The following BRMS1L variants were observed in gnomAD, a reference collection of about 807,000 sequenced individuals.
BRMS1L encodes the protein breast cancer metastasis-suppressor 1-like protein.
Under a neutral mutation model 50.3 loss-of-function variants are expected in BRMS1L, and 23 were observed. The ratio of observed to expected loss-of-function variants is 0.46; its 90% CI spans 0.33 to 0.65. The LOEUF (loss-of-function observed/expected upper bound fraction) is 0.65, where lower values mean the gene tolerates loss of function less well. Ranked by LOEUF, BRMS1L falls within the 30% of genes least tolerant of loss-of-function variation. BRMS1L has a pLI of 0.02. For missense variants in BRMS1L, 286 were observed against 386.1 expected (o/e 0.74, Z 2.17); for synonymous variants, 114 against 126.9 (o/e 0.90, Z 0.69).
At chr14:35,838,070 G>A (rs1283958165) in intron 4 of BRMS1L, among the ~76,000 whole-genome samples, 3 of 151,858 alleles carry the variant, frequency 2.0e-5, no homozygotes, top group African/African-American at 4.8e-5. Context: ...TCCCCTCCCC[G>A]TGTCCATGTG....
chr14:35,833,133 T>C (rs1159616114), intron 3 of BRMS1L, 28 bp downstream of exon 3: 1 of 1,593,348 alleles, frequency 6.3e-7, no homozygotes, highest in Non-Finnish European at 8.6e-7. Context: ...CTTTTCCATA[T>C]ATAGAATGTA....
chr14:35,870,337 C>A, intron 9 of BRMS1L, 23 bp from the exon 10 acceptor site: 1 of 1,360,244 alleles, frequency 7.4e-7, no homozygotes, highest in Non-Finnish European at 1.0e-6. Flanking sequence ...TTCATTCATT[C>A]ATTCTTTTTT....
At chr14:35,838,890 CA>C (rs1419945869) in intron 4 of BRMS1L, among the ~76,000 whole-genome samples, 3 of 150,410 alleles carry the variant, frequency 2.0e-5, no homozygotes, top group African/African-American at 7.5e-5. Flanking sequence ...TCCCATTTGT[CA>C]ATTTTGGCTT....
At chr14:35,850,595 T>A (rs1042048140) in intron 4 of BRMS1L, among the ~76,000 whole-genome samples, 5 of 152,228 alleles carry the variant, frequency 3.3e-5, no homozygotes, top group African/African-American at 1.2e-4. Flanking sequence ...GTTGACGTGC[T>A]TTTTGTGTCA....
At chr14:35,861,150 A>G (rs921114712) in intron 4 of BRMS1L, among the ~76,000 whole-genome samples, 1 of 152,214 alleles carries the variant, frequency 6.6e-6, no homozygotes, top group African/African-American at 2.4e-5. Context: ...ATGGCAGTTT[A>G]AAGTATACTT....
rs761870132 is a variant in BRMS1L at position 35,831,447 on chromosome 14, A to C, written c.180A>C (p.Glu60Asp). ...AAGACTGTGAAAGAAGAAGAATGGA[A>C]TGTTTGGATGAAATGTCCAATCTTG... ...DDEDCERRRMECLDEMSNLEK... is the reference protein window; with the variant it reads ...DDEDCERRRMDCLDEMSNLEK... The change falls in exon 2 of 10, where the codon GAA (glutamate) becomes GAC (aspartate). Residue 60 changes from glutamate to aspartate, a missense_variant. Physicochemically the swap from Glu to Asp is conservative, Grantham distance 45. Around this residue, in one of 5 missense-constraint regions of BRMS1L, gnomAD observed 4 missense variants for 19.4 expected, o/e 0.21. Coordinates refer to ENST00000216807, the MANE Select transcript of BRMS1L (RefSeq NM_032352.4). 6.2e-7 allele frequency: 1 copy of C among 1,613,936 alleles called. No homozygotes were observed. Among genetic ancestry groups the C allele is most frequent in the South Asian group, 1.1e-5 (1 of 91,068 alleles).
intron 5 of BRMS1L, 26 bp downstream of exon 5, chr14:35,862,712 G>A (rs372271233): frequency 3.6e-5 from 56 of 1,541,966 alleles, no homozygotes; most frequent in Non-Finnish European, 4.7e-5. Flanking sequence ...TGATTGTGAT[G>A]TTTGAGTGGC....
rs139193150 is a variant in BRMS1L at position 35,863,723 on chromosome 14, T to C, written c.539-147T>C. On this transcript the variant is annotated intron_variant, in intron 5 of 9. Coordinates refer to ENST00000216807, the MANE Select transcript of BRMS1L (RefSeq NM_032352.4). Reference sequence around the variant, plus strand: ...TAAACACGTAGTGCTCATGAAATTATGTACAGCTTAATCTATATATACCCA... The same window carrying C: ...TAAACACGTAGTGCTCATGAAATTACGTACAGCTTAATCTATATATACCCA... 424 of 649,616 alleles carry C rather than the reference T, an allele frequency of 6.5e-4. 5 individuals are homozygous for C. The African/African-American group carries it at 7.2e-3, about 11-fold the overall frequency. The allele number at this position is 649,616 out of a possible 1,614,324, so 40.2% of individuals were successfully genotyped here.
chr14:35,858,224 T>A (rs1958075), intron 4 of BRMS1L, among the ~76,000 whole-genome samples: 1 of 152,040 alleles, frequency 6.6e-6, no homozygotes, highest in African/African-American at 2.4e-5. Flanking sequence ...GCGATCAAAC[T>A]TATCAGATAA....
At chr14:35,857,831 ATTGT>A (rs1337622475) in intron 4 of BRMS1L, among the ~76,000 whole-genome samples, 1 of 150,056 alleles carries the variant, frequency 6.7e-6, no homozygotes, top group Non-Finnish European at 1.5e-5. Context: ...TGCTTCATTT[ATTGT>A]TTGTTAGTTT....
At chr14:35,844,953 T>A (rs534395778) in intron 4 of BRMS1L, among the ~76,000 whole-genome samples, 1 of 152,098 alleles carries the variant, frequency 6.6e-6, no homozygotes, top group East Asian at 1.9e-4. Context: ...TGATTATAGC[T>A]CACTGCAGCC....
At chr14:35,864,840 C>A in intron 6 of BRMS1L, 95 bp from the exon 7 acceptor site, 1 of 895,562 alleles carries the variant, frequency 1.1e-6, no homozygotes, top group Non-Finnish European at 1.8e-6. Flanking sequence ...GCATTATGCT[C>A]ATAAATCATC....
intron 9 of BRMS1L, among the ~76,000 whole-genome samples, chr14:35,869,410 T>C (rs1363087232): frequency 6.6e-6 from 1 of 151,652 alleles, no homozygotes; most frequent in Non-Finnish European, 1.5e-5. Context: ...GTAAAAAAAT[T>C]ATCCTTAGTC....
intron 4 of BRMS1L, among the ~76,000 whole-genome samples, chr14:35,850,450 C>A (rs1394875135): frequency 6.6e-6 from 1 of 152,038 alleles, no homozygotes; most frequent in African/African-American, 2.4e-5. Flanking sequence ...CCTGCCTCAG[C>A]CTCCCAAACT....
At chr14:35,839,251 C>T (rs2078031609) in intron 4 of BRMS1L, among the ~76,000 whole-genome samples, 2 of 152,102 alleles carry the variant, frequency 1.3e-5, no homozygotes, top group Admixed American at 1.3e-4. Context: ...GGTACCAGTA[C>T]CATGCTGTTC....
chr14:35,857,429 T>C (rs1328100674), intron 4 of BRMS1L, among the ~76,000 whole-genome samples: 1 of 151,914 alleles, frequency 6.6e-6, no homozygotes, highest in Admixed American at 6.6e-5. Flanking sequence ...CAGTGGCAAT[T>C]ATATTTCTAA....
At chr14:35,834,313 C>G (rs1267792384) in intron 3 of BRMS1L, among the ~76,000 whole-genome samples, 1 of 152,074 alleles carries the variant, frequency 6.6e-6, no homozygotes, top group Non-Finnish European at 1.5e-5. Flanking sequence ...TATCCATCCT[C>G]TAGATAAAGT....
intron 4 of BRMS1L, among the ~76,000 whole-genome samples, chr14:35,838,946 A>G (rs1414193798): frequency 6.6e-6 from 1 of 152,142 alleles, no homozygotes; most frequent in African/African-American, 2.4e-5. Flanking sequence ...GTCTTTGCCC[A>G]TGCCTATGTC....
chr14:35,853,510 C>T (rs1202170917), intron 4 of BRMS1L, among the ~76,000 whole-genome samples: 1 of 151,916 alleles, frequency 6.6e-6, no homozygotes, highest in Non-Finnish European at 1.5e-5. Flanking sequence ...AACTCCTGAG[C>T]TCAAGCAGTC....
Sources: allele counts gnomAD v4.1 joint callset (sites outside exome capture counted in the v4.1 genomes callset), GRCh38; gene constraint gnomAD v4.1.1; regional missense constraint gnomAD v4.1.1; transcripts MANE v1.5; gene names NCBI Gene and HGNC (gene_info 2026-07-23, HGNC 2026-07-21).